Variants in TMEM132D observed in about 807,000 individuals in gnomAD.
TMEM132D encodes the protein mature OL transmembrane protein.
In TMEM132D, 21 loss-of-function variants were observed where a neutral mutation model predicts 62.3. The observed-to-expected ratio is 0.34, with a 90% CI of 0.24 to 0.49. The LOEUF (loss-of-function observed/expected upper bound fraction) is 0.49. Ranked by LOEUF, TMEM132D falls within the 20% of genes least tolerant of loss-of-function variation. TMEM132D has a pLI of 0.99. For missense variants in TMEM132D, 1,346 were observed against 1,402.8 expected (o/e 0.96, Z 0.65); for synonymous variants, 621 against 575.6 (o/e 1.08, Z -1.13).
At chr12:129,628,252 GA>G (rs1224754334) in intron 2 of TMEM132D, among the ~76,000 whole-genome samples, 1 of 152,132 alleles carries the variant, frequency 6.6e-6, no homozygotes, top group Non-Finnish European at 1.5e-5. Flanking sequence ...AGCAATTTCA[GA>G]AAACCTTGAT....
intron 3 of TMEM132D, among the ~76,000 whole-genome samples, chr12:129,357,045 G>A (rs1870086411): frequency 6.6e-6 from 1 of 151,540 alleles, no homozygotes; most frequent in Admixed American, 6.6e-5. Flanking sequence ...AGGAGATCAA[G>A]ACCATCCTGG....
At chr12:129,704,119 T>A (rs1881448781) in intron 1 of TMEM132D, among the ~76,000 whole-genome samples, 1 of 152,232 alleles carries the variant, frequency 6.6e-6, no homozygotes, top group African/African-American at 2.4e-5. Context: ...TAGGGCATGC[T>A]TATAATTAAC....
chr12:129,183,970 T>C (rs908026708), intron 5 of TMEM132D, among the ~76,000 whole-genome samples: 1 of 152,222 alleles, frequency 6.6e-6, no homozygotes. Context: ...CCATTGTTTC[T>C]TGTCATTGCA....
chr12:129,543,952 C>A (rs760595846), intron 2 of TMEM132D, among the ~76,000 whole-genome samples: 11 of 152,108 alleles, frequency 7.2e-5, no homozygotes, highest in Non-Finnish European at 1.5e-4. Context: ...CAGGAAACTG[C>A]CATGTCCACA....
At chr12:129,614,347 A>T (rs546736340) in intron 2 of TMEM132D, among the ~76,000 whole-genome samples, 8 of 152,352 alleles carry the variant, frequency 5.3e-5, no homozygotes, top group Admixed American at 4.6e-4. Flanking sequence ...CAGTGAGCTC[A>T]AGGCCAGAGG....
At chr12:129,490,110 C>G (rs1874720170) in intron 3 of TMEM132D, among the ~76,000 whole-genome samples, 1 of 152,224 alleles carries the variant, frequency 6.6e-6, no homozygotes, top group Non-Finnish European at 1.5e-5. Flanking sequence ...GGACACACTG[C>G]ATTCTGTTCA....
In TMEM132D at chr12:129,232,770, T is replaced by C. The variant is rs145893977; in HGVS notation, c.1300-23107A>G. Among the ~76,000 whole-genome samples, 589 of 152,006 alleles carry C rather than the reference T, an allele frequency of 3.9e-3. 5 individuals carry two copies. The highest frequency in any genetic ancestry group is 0.027 in the Middle Eastern group (8 of 294). On this transcript the variant is annotated intron_variant, in intron 4 of 8. Coordinates refer to ENST00000422113, the MANE Select transcript of TMEM132D (RefSeq NM_133448.3). ...CTGGGGAGGCCTCAGGAAACAATCA[T>C]GGCAGAAGGTGAAAGGGAAGCAGGC...
At chr12:129,765,317 A>G (rs548430509) in intron 1 of TMEM132D, among the ~76,000 whole-genome samples, 2 of 152,268 alleles carry the variant, frequency 1.3e-5, no homozygotes, top group South Asian at 4.1e-4. Context: ...CTGTAATCCC[A>G]GAACTTTGAG....
chr12:129,395,669 T>G (rs958600860), intron 3 of TMEM132D, among the ~76,000 whole-genome samples: 5 of 151,064 alleles, frequency 3.3e-5, no homozygotes, highest in African/African-American at 1.2e-4. Flanking sequence ...GATAAAATAC[T>G]ATTATGTCTG....
At chr12:129,544,400 C>G (rs1445422661) in intron 2 of TMEM132D, among the ~76,000 whole-genome samples, 1 of 152,176 alleles carries the variant, frequency 6.6e-6, no homozygotes, top group Non-Finnish European at 1.5e-5. Flanking sequence ...TTTAAAATCA[C>G]ACTATTCATT....
intron 2 of TMEM132D, among the ~76,000 whole-genome samples, chr12:129,552,377 A>G (rs1876923803): frequency 6.6e-6 from 1 of 152,112 alleles, no homozygotes; most frequent in Non-Finnish European, 1.5e-5. Context: ...ATCTGTTTAT[A>G]TCCATTATCT....
At chr12:129,135,540 AG>A (rs1168841747) in intron 5 of TMEM132D, among the ~76,000 whole-genome samples, 2 of 152,202 alleles carry the variant, frequency 1.3e-5, no homozygotes, top group Non-Finnish European at 2.9e-5. Context: ...GTTTTATCTG[AG>A]CATAAAGGCC....
At chr12:129,423,727 C>T (rs1401772866) in intron 3 of TMEM132D, among the ~76,000 whole-genome samples, 2 of 152,054 alleles carry the variant, frequency 1.3e-5, no homozygotes, top group Non-Finnish European at 2.9e-5. Context: ...TTCCTCAACA[C>T]GAACTTTCAA....
chr12:129,179,884 C>T (rs145375092), intron 5 of TMEM132D, among the ~76,000 whole-genome samples: 1,525 of 152,074 alleles, frequency 0.01, 31 homozygotes, highest in African/African-American at 0.035. Flanking sequence ...AAAAATTAGC[C>T]AGGCGTGGTG....
intron 3 of TMEM132D, among the ~76,000 whole-genome samples, chr12:129,381,273 C>T (rs1870942770): frequency 6.6e-6 from 1 of 152,138 alleles, no homozygotes; most frequent in South Asian, 2.1e-4. Context: ...CCTATGAGCT[C>T]TTATAGCTAT....
intron 2 of TMEM132D, among the ~76,000 whole-genome samples, chr12:129,684,843 A>G (rs1394310120): frequency 6.6e-6 from 1 of 152,036 alleles, no homozygotes; most frequent in Non-Finnish European, 1.5e-5. Context: ...GAACTGGAGT[A>G]AAAGTCACTC....
At chr12:129,448,885 C>A (rs887895489) in intron 3 of TMEM132D, among the ~76,000 whole-genome samples, 1 of 152,074 alleles carries the variant, frequency 6.6e-6, no homozygotes, top group Non-Finnish European at 1.5e-5. Flanking sequence ...ACTAGTTGTC[C>A]CAATGCCAGT....
At chr12:129,718,415 G>C (rs1868676678) in intron 1 of TMEM132D, among the ~76,000 whole-genome samples, 1 of 152,190 alleles carries the variant, frequency 6.6e-6, no homozygotes, top group Admixed American at 6.5e-5. Context: ...ATTCACGTCT[G>C]GTGCCCATGT....
intron 2 of TMEM132D, among the ~76,000 whole-genome samples, chr12:129,628,991 CTCTG>C (rs986248468): frequency 1.3e-5 from 2 of 151,590 alleles, no homozygotes; most frequent in African/African-American, 4.9e-5. Flanking sequence ...CTCTCTGCCC[CTCTG>C]TCTCTCTCTC....
Sources: gnomAD v4.1 joint callset for allele counts (sites outside exome capture counted in the v4.1 genomes callset) on GRCh38, gnomAD v4.1.1 for gene constraint, MANE v1.5 for transcripts, NCBI Gene and HGNC (gene_info 2026-07-23, HGNC 2026-07-21) for gene names.